The following NXPE2 variants were observed in gnomAD, a reference collection of about 807,000 sequenced individuals.
NXPE2 encodes NXPE family member 2.
Under a neutral mutation model 34.4 loss-of-function variants are expected in NXPE2, and 34 were observed. The observed-to-expected ratio is 0.99, with a 90% confidence interval of 0.75 to 1.31. The LOEUF (loss-of-function observed/expected upper bound fraction) is 1.31. NXPE2 is among the 40% of genes most tolerant of loss of function. The pLI, the probability that NXPE2 is intolerant of heterozygous loss-of-function variation, is 0.00. For missense variants in NXPE2, 649 were observed against 672.5 expected (o/e 0.97, Z 0.39); for synonymous variants, 235 against 231.3 (o/e 1.02, Z -0.15).
the NXPE2 span, among the ~76,000 whole-genome samples, chr11:114,476,462 T>C: frequency 6.6e-6 from 1 of 152,046 alleles, no homozygotes; most frequent in Admixed American, 6.6e-5. Flanking sequence ...CAAAGCATAA[T>C]AGTTGTATTT....
the NXPE2 span, chr11:114,522,313 G>A: frequency 6.2e-7 from 1 of 1,614,058 alleles, no homozygotes; most frequent in South Asian, 1.1e-5. Context: ...TGATGACGAT[G>A]GCTGTGTTTT....
At chr11:114,627,259 C>A in the NXPE2 span, among the ~76,000 whole-genome samples, 7 of 151,928 alleles carry the variant, frequency 4.6e-5, no homozygotes, top group African/African-American at 1.7e-4. Context: ...ATGTTAAAGG[C>A]AGCCAGAGAG....
chr11:114,757,856 A>G, the NXPE2 span, among the ~76,000 whole-genome samples: 2 of 152,208 alleles, frequency 1.3e-5, no homozygotes, highest in Non-Finnish European at 2.9e-5. Flanking sequence ...TAATAAAGTG[A>G]TTAAGCAGTG....
the NXPE2 span, among the ~76,000 whole-genome samples, chr11:114,490,130 C>G: frequency 1.3e-5 from 2 of 152,102 alleles, no homozygotes; most frequent in Non-Finnish European, 2.9e-5. Context: ...AATAAAATAC[C>G]TAGGAATCCA....
chr11:114,471,683 G>T, the NXPE2 span, among the ~76,000 whole-genome samples: 1 of 152,108 alleles, frequency 6.6e-6, no homozygotes, highest in Non-Finnish European at 1.5e-5. Context: ...TGCTGCCAAT[G>T]GTCATTTCCT....
chr11:114,582,707 G>A, the NXPE2 span: 7 of 1,613,900 alleles, frequency 4.3e-6, no homozygotes, highest in African/African-American at 1.3e-5. Context: ...TGGCCCTCAG[G>A]AAATCCCCGC....
the NXPE2 span, among the ~76,000 whole-genome samples, chr11:114,465,507 G>A: frequency 2.0e-5 from 3 of 152,152 alleles, no homozygotes; most frequent in Admixed American, 2.0e-4. Context: ...ATCAAAATCA[G>A]GATAGTGGCT....
the NXPE2 span, among the ~76,000 whole-genome samples, chr11:114,588,207 G>A: frequency 6.6e-6 from 1 of 152,070 alleles, no homozygotes; most frequent in Admixed American, 6.6e-5. Flanking sequence ...CTCCAGCTGT[G>A]CCATCAGGTC....
At chr11:114,750,253 T>C in the NXPE2 span, among the ~76,000 whole-genome samples, 4 of 152,188 alleles carry the variant, frequency 2.6e-5, no homozygotes, top group Non-Finnish European at 5.9e-5. Context: ...ATTTATCATA[T>C]CTGGTATGTT....
At chr11:114,653,933 T>C in the NXPE2 span, among the ~76,000 whole-genome samples, 1 of 152,138 alleles carries the variant, frequency 6.6e-6, no homozygotes, top group Non-Finnish European at 1.5e-5. Context: ...GTTCCCATGA[T>C]GTCTTGAAAC....
chr11:114,535,368 A>G, the NXPE2 span, among the ~76,000 whole-genome samples: 2 of 152,228 alleles, frequency 1.3e-5, no homozygotes, highest in Admixed American at 1.3e-4. Flanking sequence ...AAGAAACTAC[A>G]TCAACTAACG....
the NXPE2 span, among the ~76,000 whole-genome samples, chr11:114,560,757 A>G: frequency 6.6e-6 from 1 of 152,192 alleles, no homozygotes; most frequent in Non-Finnish European, 1.5e-5. Flanking sequence ...ATATGGGTGT[A>G]TATGAATAAT....
chr11:114,553,108 A>C, the NXPE2 span, among the ~76,000 whole-genome samples: 56 of 152,140 alleles, frequency 3.7e-4, no homozygotes, highest in African/African-American at 1.2e-3. Flanking sequence ...GAAAATTCCT[A>C]TTCATTGTTT....
At chr11:114,774,700 C>T in the NXPE2 span, among the ~76,000 whole-genome samples, 2 of 152,208 alleles carry the variant, frequency 1.3e-5, no homozygotes, top group Admixed American at 1.3e-4. Context: ...TTTCTCCTTC[C>T]CCCTTTCGCC....
chr11:114,550,197 G>T, the NXPE2 span, among the ~76,000 whole-genome samples: 7 of 152,096 alleles, frequency 4.6e-5, no homozygotes, highest in Admixed American at 2.6e-4. Flanking sequence ...ATATCTTCTG[G>T]GTCAGACAGG....
chr11:114,532,335 TC>T, the NXPE2 span, among the ~76,000 whole-genome samples: 1 of 151,784 alleles, frequency 6.6e-6, no homozygotes, highest in East Asian at 1.9e-4. Context: ...TAAATGAAAT[TC>T]CCCCAAAAGA....
the NXPE2 span, among the ~76,000 whole-genome samples, chr11:114,573,170 A>G: frequency 6.6e-6 from 1 of 152,192 alleles, no homozygotes; most frequent in Non-Finnish European, 1.5e-5. Context: ...AGAATTTGCC[A>G]GTACCAGCAA....
chr11:114,480,582 C>G, the NXPE2 span, among the ~76,000 whole-genome samples: 1 of 152,116 alleles, frequency 6.6e-6, no homozygotes, highest in African/African-American at 2.4e-5. Flanking sequence ...AGAGGTGATT[C>G]TAGCTGTTAT....
the NXPE2 span, chr11:114,583,257 C>T: frequency 7.8e-5 from 52 of 664,124 alleles, no homozygotes; most frequent in African/African-American, 4.2e-4. Flanking sequence ...AGCAAGATGG[C>T]GCAAAGGCAG....
Sources: gnomAD v4.1 joint callset for allele counts (sites outside exome capture counted in the v4.1 genomes callset) on GRCh38, gnomAD v4.1.1 for gene constraint, MANE v1.5 for transcripts, NCBI Gene and HGNC (gene_info 2026-07-23, HGNC 2026-07-21) for gene names.